GFRAL: variants seen among roughly 807,000 people sequenced by gnomAD.
The protein encoded by GFRAL is GDNF family receptor alpha-like.
In GFRAL, 36 loss-of-function variants were observed where a neutral mutation model predicts 45.4. The observed-to-expected ratio is 0.79, with a 90% CI of 0.61 to 1.05. The LOEUF (loss-of-function observed/expected upper bound fraction) is 1.05, where lower values mean the gene tolerates loss of function less well. Among genes scored for constraint, GFRAL ranks in the 50% least tolerant of loss-of-function variants. The pLI, the probability that GFRAL is intolerant of heterozygous loss-of-function variation, is 0.00. For missense variants in GFRAL, 507 were observed against 467.5 expected (o/e 1.08, Z -0.78); for synonymous variants, 166 against 154.1 (o/e 1.08, Z -0.57).
chr6:55,351,524 G>A lies in GFRAL; in HGVS notation c.642G>A (p.Met214Ile), dbSNP rs774121974. 5 of 1,610,752 alleles carry A rather than the reference G, an allele frequency of 3.1e-6. No homozygotes were observed. The South Asian group carries it at 3.3e-5, about 11-fold the overall frequency. Residue 214 changes from methionine to isoleucine, a missense_variant, in exon 5 of 9, where the codon ATG becomes ATA. Transcript: ENST00000340465. Reference sequence around the variant, plus strand: ...ACAGCAAGACATGTGCAGTGAACATGGTTCCACCCCCTACTTGCCTCAGTG... The same window carrying A: ...ACAGCAAGACATGTGCAGTGAACATAGTTCCACCCCCTACTTGCCTCAGTG... Reference protein sequence around the residue: ...ALHSKTCAVNMVPPPTCLSVI... With the variant: ...ALHSKTCAVNIVPPPTCLSVI...
chr6:55,389,082 T>G (rs1055068039), intron 6 of GFRAL, among the ~76,000 whole-genome samples: 1 of 152,220 alleles, frequency 6.6e-6, no homozygotes, highest in Non-Finnish European at 1.5e-5. Flanking sequence ...TACATGTTTT[T>G]GTTTTATTAT....
intron 3 of GFRAL, among the ~76,000 whole-genome samples, chr6:55,341,971 G>GA (rs1290982146): frequency 1.3e-5 from 2 of 151,906 alleles, no homozygotes; most frequent in Non-Finnish European, 2.9e-5. Context: ...GAAGTTTAGA[G>GA]AAAAAAAGAG....
At chr6:55,350,475 G>A (rs1420775278) in intron 4 of GFRAL, among the ~76,000 whole-genome samples, 3 of 152,042 alleles carry the variant, frequency 2.0e-5, no homozygotes, top group Non-Finnish European at 4.4e-5. Context: ...AGGAGTTTGA[G>A]ACCAACCTGG....
At position 55,349,113 on chromosome 6, in the gene GFRAL, C is replaced by A. The variant is rs563287545; in HGVS notation, c.317-979C>A. On this transcript the variant is annotated intron_variant, in intron 3 of 8. Coordinates refer to ENST00000340465, the MANE Select transcript of GFRAL (RefSeq NM_207410.2). ...AGTGGTTCTCAAGCTGAGACTTGAT[C>A]AATTAAAAAAATGAAAAACAATGCA... Among the ~76,000 whole-genome samples the A allele has an allele frequency of 7.9e-5, 12 of 151,674 alleles. No individual in the cohort carries two copies. In the South Asian group the frequency reaches 2.5e-3, roughly 32 times the overall value.
intron 5 of GFRAL, among the ~76,000 whole-genome samples, chr6:55,358,089 A>T (rs1316013799): frequency 6.6e-6 from 1 of 151,842 alleles, no homozygotes; most frequent in African/African-American, 2.4e-5. Flanking sequence ...TGAGTTAAAT[A>T]TTTAATTATT....
At chr6:55,372,960 G>A (rs1358615845) in intron 6 of GFRAL, among the ~76,000 whole-genome samples, 1 of 151,978 alleles carries the variant, frequency 6.6e-6, no homozygotes, top group Non-Finnish European at 1.5e-5. Context: ...AGATGTGCAA[G>A]CTAAATGTTG....
At chr6:55,339,710 A>G (rs147357205) in intron 3 of GFRAL, among the ~76,000 whole-genome samples, 1,991 of 152,334 alleles carry the variant, frequency 0.013, 23 homozygotes, top group Non-Finnish European at 0.022. Context: ...CTTAGTAGAT[A>G]TTACTAGTTT....
chr6:55,377,645 A>T (rs1437454689), intron 6 of GFRAL, among the ~76,000 whole-genome samples: 1 of 152,016 alleles, frequency 6.6e-6, no homozygotes, highest in African/African-American at 2.4e-5. Context: ...GATACCTTGG[A>T]GGAAGAAAAG....
chr6:55,380,763 G>GTGAA (rs1768597895), intron 6 of GFRAL, among the ~76,000 whole-genome samples: 1 of 151,958 alleles, frequency 6.6e-6, no homozygotes, highest in African/African-American at 2.4e-5. Context: ...TCAATAAGTA[G>GTGAA]TGAATGAATG....
At chr6:55,341,386 C>T (rs1341184785) in intron 3 of GFRAL, among the ~76,000 whole-genome samples, 1 of 152,160 alleles carries the variant, frequency 6.6e-6, no homozygotes, top group East Asian at 1.9e-4. Flanking sequence ...GTTCTGCAAC[C>T]TCTGCTTCTG....
chr6:55,327,479 C>T lies in GFRAL; in HGVS notation c.-76C>T, dbSNP rs375318874. 2.9e-4 allele frequency: 427 copies of T among 1,496,138 alleles called. 4 individuals carry two copies. Among genetic ancestry groups the T allele is most frequent in the South Asian group, 2.8e-3 (241 of 87,404 alleles). 92.7% of individuals were successfully genotyped at this position (1,496,138 alleles called of 1,614,324 possible). On this transcript the variant is annotated 5_prime_UTR_variant, in exon 1 of 9. Transcript: ENST00000340465. ...ACAGAGGCTGAAGCCTTATTCTGGA[C>T]AGTTACTCTTAAGAAAGTTGTCAGA...
At chr6:55,393,531 A>T (rs1462126269) in intron 6 of GFRAL, among the ~76,000 whole-genome samples, 1 of 152,230 alleles carries the variant, frequency 6.6e-6, no homozygotes, top group Non-Finnish European at 1.5e-5. Context: ...CTTTAGGCAG[A>T]CACCTGAAGA....
At chr6:55,376,037 T>C (rs2397181) in intron 6 of GFRAL, among the ~76,000 whole-genome samples, 44,211 of 151,996 alleles carry the variant, frequency 0.29, 7,470 homozygotes, top group Middle Eastern at 0.45. Context: ...GTTCCTTCAA[T>C]AACTAGTTTA....
intron 3 of GFRAL, among the ~76,000 whole-genome samples, chr6:55,346,254 C>T (rs1562051387): frequency 6.6e-6 from 1 of 152,166 alleles, no homozygotes; most frequent in South Asian, 2.1e-4. Context: ...ATGTTTACTG[C>T]AACACTATTC....
chr6:55,372,099 A>G (rs985507047), intron 6 of GFRAL, among the ~76,000 whole-genome samples: 5 of 152,192 alleles, frequency 3.3e-5, no homozygotes, highest in Non-Finnish European at 7.3e-5. Flanking sequence ...GCTACCTTCA[A>G]GAACAATTGA....
At chr6:55,360,614 A>G (rs1768260619) in intron 6 of GFRAL, among the ~76,000 whole-genome samples, 1 of 152,108 alleles carries the variant, frequency 6.6e-6, no homozygotes, top group Non-Finnish European at 1.5e-5. Context: ...TTCTATAATT[A>G]ACACTACAGA....
chr6:55,371,495 TG>T (rs1310879972), intron 6 of GFRAL, among the ~76,000 whole-genome samples: 1 of 152,212 alleles, frequency 6.6e-6, no homozygotes, highest in Non-Finnish European at 1.5e-5. Context: ...GAAATATAAA[TG>T]GTGATAGTGA....
chr6:55,327,702 A>G (rs1033608373), intron 1 of GFRAL, 126 bp downstream of exon 1: 2 of 821,538 alleles, frequency 2.4e-6, no homozygotes, highest in African/African-American at 3.5e-5. Context: ...TTACAAATTT[A>G]TGCTTTAACA....
At chr6:55,350,010 C>CA (rs34159730) in intron 3 of GFRAL, 82 bp from the exon 4 acceptor site, 55,624 of 793,600 alleles carry the variant, frequency 0.07, 2,704 homozygotes, top group Non-Finnish European at 0.098. Flanking sequence ...GGACTTTACT[C>CA]ATTTATAAAT....
Sources: allele counts gnomAD v4.1 joint callset (sites outside exome capture counted in the v4.1 genomes callset), GRCh38; gene constraint gnomAD v4.1.1; transcripts MANE v1.5; gene names NCBI Gene and HGNC (gene_info 2026-07-23, HGNC 2026-07-21).